PLEKHG2: variants seen among roughly 807,000 people sequenced by gnomAD.
PLEKHG2 encodes pleckstrin homology domain-containing family G member 2.
In PLEKHG2, 71 loss-of-function variants were observed where a neutral mutation model predicts 104.4. The ratio of observed to expected loss-of-function variants is 0.68; its 90% CI spans 0.56 to 0.83. The LOEUF (loss-of-function observed/expected upper bound fraction) is 0.83. Among genes scored for constraint, PLEKHG2 ranks in the 40% least tolerant of loss-of-function variants. The probability of loss-of-function intolerance (pLI) is 0.00; values close to 1 mark genes in which losing one functional copy is unlikely to be tolerated. For missense variants in PLEKHG2, 1,730 were observed against 1,809.4 expected, an observed-to-expected ratio of 0.96 and a Z score of 0.80; for synonymous variants, 728 against 737.0, an observed-to-expected ratio of 0.99 and a Z score of 0.20.
rs1258838266 is a variant in PLEKHG2 at position 39,424,406 on chromosome 19, C to T, written c.3273C>T (p.Gly1091=). 8 of 1,613,990 alleles carry T rather than the reference C, an allele frequency of 5.0e-6. No homozygotes were observed. The highest frequency in any genetic ancestry group is 2.2e-5 in the East Asian group (1 of 44,882). ...GCAGCCTGGATCCCCAGGGCCCAGG[C>T]GACACCCTACCACCCTTGCCATGTC... ...HGSSLDPQGP[G]DTLPPLPCHL... The change falls in exon 19 of 19, where the codon GGC becomes GGT. Residue 1091 remains glycine (G), a synonymous_variant. Coordinates refer to ENST00000425673, the MANE Select transcript of PLEKHG2 (RefSeq NM_022835.3).
intron 15 of PLEKHG2, 71 bp from the exon 16 acceptor site, chr19:39,421,212 T>C (rs1029035117): frequency 1.2e-6 from 2 of 1,612,286 alleles, no homozygotes; most frequent in Admixed American, 3.3e-5. Flanking sequence ...AGCTCATCAG[T>C]TATGGGGGAA....
chr19:39,424,371 T>G lies in PLEKHG2; in HGVS notation c.3238T>G (p.Trp1080Gly). ...VCSQPIQPLS[W>G]HGSSLDPQGP... ...CAGTCAACCCATCCAGCCTTTGTCT[T>G]GGCATGGAAGCAGCCTGGATCCCCA... is the stretch of plus-strand genomic sequence containing the variant. The change falls in exon 19 of 19, where the codon TGG becomes GGG. Residue 1080 changes from tryptophan (W) to glycine (G), a missense_variant. Physicochemically the swap from Trp to Gly is radical, Grantham distance 184. Transcript: ENST00000425673. The G allele has an allele frequency of 3.1e-6, 5 of 1,614,102 alleles. No homozygotes were observed. The highest frequency in any genetic ancestry group is 4.2e-6 in the Non-Finnish European group (5 of 1,179,994).
Position 39,421,316 on chromosome 19 carries a change from G to A in PLEKHG2, c.1503+17G>A. 1 of 1,613,010 alleles carries A rather than the reference G, an allele frequency of 6.2e-7. No individual in the cohort carries two copies. Among genetic ancestry groups the A allele is most frequent in the East Asian group, 2.2e-5 (1 of 44,874 alleles). ...GGATTCAAGGTAAGAGATATCTCGAGATAGGGTCTGGGCACCTTGACTTCT... is the reference window on the plus strand; with the variant it reads ...GGATTCAAGGTAAGAGATATCTCGAAATAGGGTCTGGGCACCTTGACTTCT... On this transcript the variant is annotated intron_variant, in intron 16 of 18. Coordinates refer to ENST00000425673, the MANE Select transcript of PLEKHG2 (RefSeq NM_022835.3).
chr19:39,417,605 G>C lies in PLEKHG2; in HGVS notation c.795G>C (p.Met265Ile), dbSNP rs752040375. 1.1e-5 allele frequency: 17 copies of C among 1,614,054 alleles called. No homozygotes were observed. The highest frequency in any genetic ancestry group is 1.4e-5 in the Non-Finnish European group (17 of 1,180,046). The change falls in exon 8 of 19, where the codon ATG becomes ATC. Residue 265 changes from methionine to isoleucine, a missense_variant. By Grantham distance (10) the Met-to-Ile change is conservative (BLOSUM62 1). Coordinates refer to ENST00000425673, the MANE Select transcript of PLEKHG2 (RefSeq NM_022835.3). Reference sequence around the variant, plus strand: ...GCCCAGGCACTGGGGGTCGCGAGATGGTGGAGGAAGCTATTGTGTCCATGA... The same window carrying C: ...GCCCAGGCACTGGGGGTCGCGAGATCGTGGAGGAAGCTATTGTGTCCATGA... ...AEGPGTGGREMVEEAIVSMTA... is the reference protein window; with the variant it reads ...AEGPGTGGREIVEEAIVSMTA...
At chr19:39,414,295 A>C in intron 2 of PLEKHG2, 100 bp downstream of exon 2, 4 of 1,245,178 alleles carry the variant, frequency 3.2e-6, no homozygotes, top group South Asian at 1.4e-5. Context: ...CAACTCGCAC[A>C]AAGCTCCGAG....
intron 11 of PLEKHG2, among the ~76,000 whole-genome samples, chr19:39,420,191 C>G (rs113976371): frequency 2.0e-5 from 3 of 151,996 alleles, no homozygotes; most frequent in Non-Finnish European, 2.9e-5. Context: ...GAAACCCCGT[C>G]TCTACTAAAA....
chr19:39,417,428 C>T, intron 7 of PLEKHG2, 127 bp from the exon 8 acceptor site: 4 of 1,249,224 alleles, frequency 3.2e-6, no homozygotes, highest in Non-Finnish European at 4.3e-6. Flanking sequence ...GCTGGGATTA[C>T]AGACATGAGC....
At chr19:39,419,089 C>T in intron 11 of PLEKHG2, 86 bp downstream of exon 11, 2 of 1,240,566 alleles carry the variant, frequency 1.6e-6, no homozygotes, top group Non-Finnish European at 2.2e-6. Context: ...TGCCCAATGC[C>T]AGAGCAGTCT....
chr19:39,414,002 G>T, intron 1 of PLEKHG2, 63 bp from the exon 2 acceptor site: 3 of 1,165,516 alleles, frequency 2.6e-6, no homozygotes, highest in Non-Finnish European at 3.7e-6. Context: ...GCCCCCATCT[G>T]TGAGTCTGGG....
Position 39,416,647 on chromosome 19 carries a change from T to C in PLEKHG2, c.593+50T>C. ...GCCTCAGGCTGTGCCCACAAGCTGA[T>C]GTGCCAGTCACCCGTCACCCTCCCT... On this transcript the variant is annotated intron_variant, in intron 6 of 18. Transcript: ENST00000425673. The surrounding 1 kb of genome is among the most constrained non-coding windows in gnomAD (Gnocchi z 4.5). 2 of 1,605,296 alleles carry C rather than the reference T, an allele frequency of 1.2e-6. No individual in the cohort carries two copies. Among genetic ancestry groups the C allele is most frequent in the East Asian group, 2.2e-5 (1 of 44,848 alleles).
In PLEKHG2 at chr19:39,418,726, C is replaced by G; in HGVS notation, c.1084-8C>G. On this transcript the variant is annotated splice_region_variant and splice_polypyrimidine_tract_variant and intron_variant, in intron 9 of 18. Coordinates refer to ENST00000425673, the MANE Select transcript of PLEKHG2 (RefSeq NM_022835.3). The stretch of plus-strand genomic sequence containing the variant: ...CTCTGAGCTTGCTACCCCTCTCTTT[C>G]CTTCCAGTGCTGCAACCTGAGCGTG... 1 of 1,609,266 alleles carries G rather than the reference C, an allele frequency of 6.2e-7. No homozygotes were observed. The highest frequency in any genetic ancestry group is 2.2e-5 in the East Asian group (1 of 44,764).
chr19:39,416,653 A>C lies in PLEKHG2; in HGVS notation c.593+56A>C. ...GGCTGTGCCCACAAGCTGATGTGCC[A>C]GTCACCCGTCACCCTCCCTCTACCC... On this transcript the variant is annotated intron_variant, in intron 6 of 18. Coordinates refer to ENST00000425673, the MANE Select transcript of PLEKHG2 (RefSeq NM_022835.3). This position sits in a 1 kb window ranked among gnomAD's most constrained non-coding sequence, Gnocchi z 4.5. 2 of 1,600,810 alleles carry C rather than the reference A, an allele frequency of 1.2e-6. No homozygotes were observed. The highest frequency in any genetic ancestry group is 1.7e-6 in the Non-Finnish European group (2 of 1,169,040).
In PLEKHG2 at chr19:39,416,696, G is replaced by A. The variant is rs865871487; in HGVS notation, c.593+99G>A. 111 of 1,509,320 alleles carry A rather than the reference G, an allele frequency of 7.4e-5. No homozygotes were observed. Among genetic ancestry groups the A allele is most frequent in the Middle Eastern group, 5.2e-4 (3 of 5,748 alleles). The allele number at this position is 1,509,320 out of a possible 1,614,324, so 93.5% of individuals were successfully genotyped here. A position where few individuals can be genotyped will look rare whatever the true frequency, so the allele number is the denominator to read the frequency against. ...CTCTACCCCCGACCCATCCAGCACC[G>A]ACCCCTGCCAGGCTGTGACAGTAAC... is the stretch of plus-strand genomic sequence containing the variant. On this transcript the variant is annotated intron_variant, in intron 6 of 18. Coordinates refer to ENST00000425673, the MANE Select transcript of PLEKHG2 (RefSeq NM_022835.3). This position sits in a 1 kb window ranked among gnomAD's most constrained non-coding sequence, Gnocchi z 4.5.
Position 39,416,664 on chromosome 19 carries a change from ACCCT to A in PLEKHG2, c.593+73_593+76del. 1 of 1,585,526 alleles carries A rather than the reference ACCCT, an allele frequency of 6.3e-7. No individual in the cohort carries two copies. The highest frequency in any genetic ancestry group is 8.6e-7 in the Non-Finnish European group (1 of 1,156,782). Reference sequence around the variant, plus strand: ...CAAGCTGATGTGCCAGTCACCCGTCACCCTCCCTCTACCCCCGACCCATCCAGCA... The same window carrying A: ...CAAGCTGATGTGCCAGTCACCCGTCACCCTCTACCCCCGACCCATCCAGCA... On this transcript the variant is annotated intron_variant, in intron 6 of 18. Coordinates refer to ENST00000425673, the MANE Select transcript of PLEKHG2 (RefSeq NM_022835.3). This position sits in a 1 kb window ranked among gnomAD's most constrained non-coding sequence, Gnocchi z 4.5.
At position 39,418,816 on chromosome 19, in the gene PLEKHG2, A is replaced by T; in HGVS notation, c.1166A>T (p.His389Leu). Residue 389 changes from histidine to leucine, a missense_variant, in exon 10 of 19, where the codon CAC becomes CTC. Transcript: ENST00000425673. ...GATCTGACCATTCCCAAGCACAGAC[A>T]CCTGCTCCAGGTGAGCATGTAGTGG... ...VSDLTIPKHRHLLQAKNQEEK... is the reference protein window; with the variant it reads ...VSDLTIPKHRLLLQAKNQEEK... 6.2e-7 allele frequency: 1 copy of T among 1,609,266 alleles called. No individual in the cohort carries two copies. Among genetic ancestry groups the T allele is most frequent in the South Asian group, 1.1e-5 (1 of 90,924 alleles).
At chr19:39,417,764 A>C (rs1232334996) in intron 8 of PLEKHG2, 72 bp downstream of exon 8, 11 of 1,538,920 alleles carry the variant, frequency 7.1e-6, no homozygotes, top group Non-Finnish European at 8.7e-6. Context: ...GGTGGGGGGA[A>C]ATCAGTGCCT....
Position 39,420,779 on chromosome 19 carries a change from GC to G in PLEKHG2, c.1330del (p.Leu444Ter). The G allele has an allele frequency of 6.2e-7, 1 of 1,614,132 alleles. No individual in the cohort carries two copies. Among genetic ancestry groups the G allele is most frequent in the Non-Finnish European group, 8.5e-7 (1 of 1,180,022 alleles). ...CAPKSKPVLE[P>X]LTPPLGSPRP... is the part of the protein sequence containing the mutation. ...CCCCCAAAAGTAAGCCTGTCCTAGA[GC>G]CCCTGACACCCCCACTTGGGTCTCC... is the stretch of plus-strand genomic sequence containing the variant. On this transcript the variant is annotated frameshift_variant, in exon 13 of 19. Coordinates refer to ENST00000425673, the MANE Select transcript of PLEKHG2 (RefSeq NM_022835.3). LOFTEE classifies it high-confidence loss of function.
chr19:39,417,634 C>T lies in PLEKHG2; in HGVS notation c.824C>T (p.Ala275Val), dbSNP rs1347085240. The T allele has an allele frequency of 9.3e-6, 15 of 1,611,466 alleles. No homozygotes were observed. Among genetic ancestry groups the T allele is most frequent in the South Asian group, 2.2e-5 (2 of 91,024 alleles). The change falls in exon 8 of 19, where the codon GCG (alanine) becomes GTG (valine). Residue 275 changes from alanine to valine, a missense_variant. By Grantham distance (64) the Ala-to-Val change is moderately conservative. Coordinates refer to ENST00000425673, the MANE Select transcript of PLEKHG2 (RefSeq NM_022835.3). Reference protein sequence around the residue: ...MVEEAIVSMTAVAWYINDMKR... With the variant: ...MVEEAIVSMTVVAWYINDMKR... Reference sequence around the variant, plus strand: ...GAGGAAGCTATTGTGTCCATGACAGCGGTTGCCTGGTACATCAACGACATG... The same window carrying T: ...GAGGAAGCTATTGTGTCCATGACAGTGGTTGCCTGGTACATCAACGACATG...
In PLEKHG2 at chr19:39,413,898, T is replaced by C; in HGVS notation, c.-22-167T>C. The C allele has an allele frequency of 2.0e-6, 1 of 506,736 alleles. No individual in the cohort carries two copies. The allele number at this position is 506,736 out of a possible 1,614,324, so 31.4% of individuals were successfully genotyped here. A position where few individuals can be genotyped will look rare whatever the true frequency, so the allele number is the denominator to read the frequency against. On this transcript the variant is annotated intron_variant, in intron 1 of 18. Coordinates refer to ENST00000425673, the MANE Select transcript of PLEKHG2 (RefSeq NM_022835.3). This position sits in a 1 kb window ranked among gnomAD's most constrained non-coding sequence, Gnocchi z 4.5. ...TTTCCATCTTTTTCGCCAGGTTCTC[T>C]CTCCTTGTCCCCTTCTTTCTGTCAC...
Sources: allele counts gnomAD v4.1 joint callset (sites outside exome capture counted in the v4.1 genomes callset), GRCh38; gene constraint gnomAD v4.1.1; non-coding constraint Gnocchi (gnomAD v3.1); transcripts MANE v1.5; gene names NCBI Gene and HGNC (gene_info 2026-07-23, HGNC 2026-07-21).